Variants in CEACAM3 observed in about 807,000 individuals in gnomAD.
The protein encoded by CEACAM3 is cell adhesion molecule CEACAM3.
A neutral mutation model predicts 30.1 loss-of-function variants in CEACAM3; 32 were observed. That is an observed-to-expected ratio of 1.06 (90% CI 0.80 to 1.43). The LOEUF (loss-of-function observed/expected upper bound fraction) is 1.43. Among genes scored for constraint, CEACAM3 ranks in the 40% most tolerant of loss-of-function variants. The pLI is 0.00. For missense variants in CEACAM3, 290 were observed against 316.3 expected (o/e 0.92, Z 0.63); for synonymous variants, 134 against 127.2 (o/e 1.05, Z -0.36).
At chr19:41,807,382 T>C in intron 2 of CEACAM3, 1 of 1,600,770 alleles carries the variant, frequency 6.2e-7, no homozygotes, top group Non-Finnish European at 8.5e-7. Context: ...TCACGCTGAA[T>C]GTCCTCTGTA....
chr19:41,803,909 G>C (rs1187011989), intron 2 of CEACAM3, among the ~76,000 whole-genome samples: 3 of 151,842 alleles, frequency 2.0e-5, no homozygotes, highest in Non-Finnish European at 4.4e-5. Context: ...ATGATACCCT[G>C]TCTCTACTAA....
intron 2 of CEACAM3, among the ~76,000 whole-genome samples, chr19:41,798,933 C>T (rs1291288410): frequency 6.6e-6 from 1 of 152,208 alleles, no homozygotes; most frequent in Non-Finnish European, 1.5e-5. Flanking sequence ...ATTAGAGTCA[C>T]ACGAGGTCTC....
intron 2 of CEACAM3, among the ~76,000 whole-genome samples, chr19:41,805,279 T>C (rs1694582553): frequency 1.5e-5 from 2 of 131,828 alleles, no homozygotes; most frequent in Non-Finnish European, 3.3e-5. Context: ...TTTATTCTTT[T>C]TTCTTCTTTT....
At chr19:41,800,991 T>C (rs1467507690) in intron 2 of CEACAM3, among the ~76,000 whole-genome samples, 1 of 152,118 alleles carries the variant, frequency 6.6e-6, no homozygotes, top group Non-Finnish European at 1.5e-5. Context: ...GGCTGGTCCC[T>C]ACACTGGTTC....
chr19:41,807,472 C>T, intron 2 of CEACAM3: 1 of 1,371,340 alleles, frequency 7.3e-7, no homozygotes, highest in Non-Finnish European at 9.7e-7. Flanking sequence ...CTCTCAAGTC[C>T]AGGGACTCAG....
chr19:41,804,161 T>A (rs2073180194), intron 2 of CEACAM3, among the ~76,000 whole-genome samples: 1 of 152,174 alleles, frequency 6.6e-6, no homozygotes, highest in South Asian at 2.1e-4. Context: ...GACAATGGCA[T>A]ATTTTATATT....
chr19:41,803,906 C>A (rs2073177453), intron 2 of CEACAM3, among the ~76,000 whole-genome samples: 1 of 151,714 alleles, frequency 6.6e-6, no homozygotes, highest in Non-Finnish European at 1.5e-5. Context: ...ATGATGATAC[C>A]CTGTCTCTAC....
intron 2 of CEACAM3, among the ~76,000 whole-genome samples, chr19:41,806,220 G>T (rs538880251): frequency 1.4e-3 from 216 of 152,166 alleles, no homozygotes; most frequent in African/African-American, 5.0e-3. Context: ...TAGAGACTGG[G>T]TTTTTCGCCA....
intron 2 of CEACAM3, among the ~76,000 whole-genome samples, chr19:41,798,252 C>G (rs1600514207): frequency 6.6e-6 from 1 of 152,160 alleles, no homozygotes; most frequent in South Asian, 2.1e-4. Context: ...CTAAGAAAGA[C>G]CCTGGAGAAC....
intron 2 of CEACAM3, among the ~76,000 whole-genome samples, chr19:41,803,685 C>G (rs533777501): frequency 1.1e-5 from 1 of 90,464 alleles, no homozygotes; most frequent in Non-Finnish European, 2.7e-5. Context: ...CCAGGATGGT[C>G]TCGACCTCCC....
In CEACAM3 at chr19:41,796,633, C is replaced by T. The variant is rs782434052; in HGVS notation, c.-45C>T. 1 of 1,607,400 alleles carries T rather than the reference C, an allele frequency of 6.2e-7. No homozygotes were observed. The highest frequency in any genetic ancestry group is 8.5e-7 in the Non-Finnish European group (1 of 1,173,952). On this transcript the variant is annotated 5_prime_UTR_variant, in exon 1 of 7. Transcript: ENST00000357396. ...GCCCTGACTACAGCATTCCTGGAGCCCAGGCTCTTTTCCACAGAGGAGGAA... is the reference window on the plus strand; with the variant it reads ...GCCCTGACTACAGCATTCCTGGAGCTCAGGCTCTTTTCCACAGAGGAGGAA...
At chr19:41,808,342 C>T (rs1304442086) in intron 2 of CEACAM3, among the ~76,000 whole-genome samples, 2 of 152,184 alleles carry the variant, frequency 1.3e-5, no homozygotes, top group East Asian at 3.9e-4. Flanking sequence ...GGTGATGCCC[C>T]CTCTCCCTCA....
intron 2 of CEACAM3, chr19:41,807,437 A>G: frequency 1.6e-6 from 2 of 1,239,556 alleles, no homozygotes; most frequent in Non-Finnish European, 2.1e-6. Context: ...AAATCCACAC[A>G]GCCAGAGGCC....
Position 41,811,508 on chromosome 19 carries a change from C to A in CEACAM3, c.*271C>A. 1 of 463,354 alleles carries A rather than the reference C, an allele frequency of 2.2e-6. No homozygotes were observed. Among genetic ancestry groups the A allele is most frequent in the East Asian group, 3.2e-5 (1 of 31,536 alleles). 28.7% of individuals were successfully genotyped at this position (463,354 alleles called of 1,614,324 possible). ...GAAAGTGAATGGGCCTGTGGCCCAC[C>A]TGGGGTCACTTGGAAAGGATCTGAA... is the stretch of plus-strand genomic sequence containing the variant. On this transcript the variant is annotated 3_prime_UTR_variant, in exon 7 of 7. Coordinates refer to ENST00000357396, the MANE Select transcript of CEACAM3 (RefSeq NM_001815.5).
intron 1 of CEACAM3, 117 bp downstream of exon 1, chr19:41,796,858 G>T: frequency 9.3e-7 from 1 of 1,076,734 alleles, no homozygotes; most frequent in Non-Finnish European, 1.3e-6. Context: ...AGCCTCAGGG[G>T]AGAGAACATC....
intron 2 of CEACAM3, among the ~76,000 whole-genome samples, chr19:41,805,228 A>C (rs1281645047): frequency 6.6e-6 from 1 of 151,764 alleles, no homozygotes; most frequent in African/African-American, 2.4e-5. Context: ...ACACCCAAGG[A>C]ACAACTCCCT....
At position 41,808,761 on chromosome 19, in the gene CEACAM3, TC is replaced by T. The variant is rs1182204781; in HGVS notation, c.425-50del. On this transcript the variant is annotated intron_variant, in intron 2 of 6. Coordinates refer to ENST00000357396, the MANE Select transcript of CEACAM3 (RefSeq NM_001815.5). ...CCTTCCCTGCAAGGCCCCTGTGGTT[TC>T]CTCTGGGATAGACTTGGGCCTCTAT... 9.5e-6 allele frequency: 14 copies of T among 1,466,404 alleles called. No individual in the cohort carries two copies. In the Admixed American group the frequency reaches 2.4e-4, roughly 25 times the overall value. The allele number at this position is 1,466,404 out of a possible 1,614,324, so 90.8% of individuals were successfully genotyped here.
At chr19:41,801,134 G>A (rs1236403370) in intron 2 of CEACAM3, among the ~76,000 whole-genome samples, 1 of 152,126 alleles carries the variant, frequency 6.6e-6, no homozygotes. Context: ...ACACCAGTGA[G>A]GATGCCCCTG....
In CEACAM3 at chr19:41,810,307, C is replaced by T. The variant is rs782206698; in HGVS notation, c.596-16C>T. The T allele has an allele frequency of 1.2e-6, 2 of 1,603,078 alleles. No individual in the cohort carries two copies. Among genetic ancestry groups the T allele is most frequent in the Non-Finnish European group, 8.5e-7 (1 of 1,175,282 alleles). ...TCTCCTCCCACCCTGCTGCTCACTCCTGTCTCTGTTTCCAGGCCGTGGTCC... is the reference window on the plus strand; with the variant it reads ...TCTCCTCCCACCCTGCTGCTCACTCTTGTCTCTGTTTCCAGGCCGTGGTCC... On this transcript the variant is annotated splice_polypyrimidine_tract_variant and intron_variant, in intron 4 of 6. Transcript: ENST00000357396.
Sources: allele counts gnomAD v4.1 joint callset (sites outside exome capture counted in the v4.1 genomes callset), GRCh38; gene constraint gnomAD v4.1.1; transcripts MANE v1.5; gene names NCBI Gene and HGNC (gene_info 2026-07-23, HGNC 2026-07-21).